The following CCDC85C variants were observed in gnomAD, a reference collection of about 807,000 sequenced individuals.
CCDC85C encodes the protein coiled-coil domain-containing protein 85C.
Under a neutral mutation model 38.3 loss-of-function variants are expected in CCDC85C, and 18 were observed. The observed-to-expected ratio is 0.47, with a 90% CI of 0.33 to 0.70. CCDC85C has a LOEUF of 0.70. CCDC85C is among the 30% of genes least tolerant of loss of function. CCDC85C has a pLI of 0.03. For synonymous variants in CCDC85C, 264 were observed against 293.8 expected (o/e 0.90, Z 1.04); for missense variants, 566 against 621.2 (o/e 0.91, Z 0.94).
intron 2 of CCDC85C, chr14:99,534,882 T>G: frequency 1.6e-6 from 1 of 607,412 alleles, no homozygotes. Context: ...ATTCAGAGCT[T>G]GGCTGTGCAC....
rs181993150 is a variant in CCDC85C, at chr14:99,513,527, A to G, written c.*1719T>C. On this transcript the variant is annotated 3_prime_UTR_variant, in exon 6 of 6. Transcript: ENST00000380243. ...AGCACCCACTTACCCCCCTGGGGCT[A>G]AGATGGGGGGCGTGAGCCTTTCCCC... The G allele has an allele frequency of 1.3e-5, 2 of 152,420 alleles. No homozygotes were observed. The highest frequency in any genetic ancestry group is 3.9e-4 in the East Asian group (2 of 5,186). 9.4% of individuals were successfully genotyped at this position (152,420 alleles called of 1,614,324 possible).
chr14:99,573,180 G>A (rs982020178), intron 1 of CCDC85C, among the ~76,000 whole-genome samples: 18 of 152,212 alleles, frequency 1.2e-4, no homozygotes, highest in Non-Finnish European at 2.2e-4. Context: ...GGGACCTGCT[G>A]CTCAGCGGTC....
Position 99,510,107 on chromosome 14 carries a change from A to T in CCDC85C, c.*5139T>A, listed in dbSNP as rs748456006. The T allele has an allele frequency of 8.4e-6, 13 of 1,542,236 alleles. No homozygotes were observed. In the South Asian group the frequency reaches 1.6e-4, roughly 19 times the overall value. ...CTGAAGGGCCAGGAGGCACTGAAAA[A>T]GCAACCATTGCTGGCGGAGGCCGGG... On this transcript the variant is annotated 3_prime_UTR_variant, in exon 6 of 6. Coordinates refer to ENST00000380243, the MANE Select transcript of CCDC85C (RefSeq NM_001144995.2).
chr14:99,574,384 C>G (rs910307905), intron 1 of CCDC85C, among the ~76,000 whole-genome samples: 2 of 152,086 alleles, frequency 1.3e-5, no homozygotes, highest in Non-Finnish European at 2.9e-5. Flanking sequence ...TGCTATATCC[C>G]GGCCACAGCT....
intron 1 of CCDC85C, among the ~76,000 whole-genome samples, chr14:99,585,160 G>T (rs1418339331): frequency 6.6e-6 from 1 of 152,196 alleles, no homozygotes; most frequent in African/African-American, 2.4e-5. Context: ...GGGAAGCAAA[G>T]ACACATGCCG....
intron 1 of CCDC85C, among the ~76,000 whole-genome samples, chr14:99,589,585 G>A (rs1024028772): frequency 7.9e-5 from 12 of 152,300 alleles, no homozygotes; most frequent in Middle Eastern, 3.4e-3. Flanking sequence ...TTAGAGCTGC[G>A]GTCCCTATTC....
chr14:99,526,663 A>G (rs1230791377), intron 2 of CCDC85C, among the ~76,000 whole-genome samples: 3 of 152,180 alleles, frequency 2.0e-5, no homozygotes, highest in African/African-American at 7.2e-5. Flanking sequence ...ACCTCCCTCC[A>G]GGAAGACGAA....
intron 1 of CCDC85C, among the ~76,000 whole-genome samples, chr14:99,593,579 T>C (rs2055111109): frequency 6.6e-6 from 1 of 152,156 alleles, no homozygotes; most frequent in Non-Finnish European, 1.5e-5. Context: ...CAAAGCCATC[T>C]CTCCGGCGTC....
At chr14:99,519,095 A>C (rs1897268954) in intron 3 of CCDC85C, among the ~76,000 whole-genome samples, 1 of 126,204 alleles carries the variant, frequency 7.9e-6, no homozygotes, top group Admixed American at 8.3e-5. Flanking sequence ...ATGTTCATAC[A>C]TGCCTTTTTT....
At position 99,504,093 on chromosome 14, in the gene CCDC85C, C is replaced by A; in HGVS notation, c.*11153G>T. 2.6e-6 allele frequency: 1 copy of A among 388,868 alleles called. No individual in the cohort carries two copies. Among genetic ancestry groups the A allele is most frequent in the Non-Finnish European group, 5.1e-6 (1 of 195,282 alleles). The allele number at this position is 388,868 out of a possible 1,614,324, so 24.1% of individuals were successfully genotyped here. A position where few individuals can be genotyped will look rare whatever the true frequency, so the allele number is the denominator to read the frequency against. On this transcript the variant is annotated 3_prime_UTR_variant, in exon 6 of 6. Transcript: ENST00000380243. ...CCTTGCAGGCAAGGCCTCTTTGAAA[C>A]ACACTTGGGTTGAGGTGCTGTCACA... is the stretch of plus-strand genomic sequence containing the variant.
In CCDC85C at chr14:99,545,286, C is replaced by CACGA. The variant is rs1390298586; in HGVS notation, c.794-9202_794-9199dup. On this transcript the variant is annotated intron_variant, in intron 1 of 5. Coordinates refer to ENST00000380243, the MANE Select transcript of CCDC85C (RefSeq NM_001144995.2). This position sits in a 1 kb window ranked among gnomAD's most constrained non-coding sequence, Gnocchi z 4.7. ...CCCAGCATTTAATTCCAGGAAAAGC[C>CACGA]ACGAGGCTTCCCAATGACACTGCAA... Among the ~76,000 whole-genome samples, 4 of 152,102 alleles carry CACGA rather than the reference C, an allele frequency of 2.6e-5. No individual in the cohort carries two copies. The highest frequency in any genetic ancestry group is 4.8e-5 in the African/African-American group (2 of 41,404).
intron 2 of CCDC85C, among the ~76,000 whole-genome samples, chr14:99,527,556 G>A (rs1897409915): frequency 1.3e-5 from 2 of 152,188 alleles, no homozygotes; most frequent in African/African-American, 2.4e-5. Flanking sequence ...GGCACAGGTG[G>A]GAGCTGAGTT....
In CCDC85C at chr14:99,511,884, G is replaced by A. The variant is rs1170789932; in HGVS notation, c.*3362C>T. The A allele has an allele frequency of 2.6e-5, 4 of 152,490 alleles. No homozygotes were observed. The highest frequency in any genetic ancestry group is 3.9e-4 in the East Asian group (2 of 5,160). The allele number at this position is 152,490 out of a possible 1,614,324, so 9.4% of individuals were successfully genotyped here. Reference sequence around the variant, plus strand: ...AGACAGAGGCAGCTGGAGGAGCAGCGGCCTCACTGTCCACCTTGAGGGGCC... The same window carrying A: ...AGACAGAGGCAGCTGGAGGAGCAGCAGCCTCACTGTCCACCTTGAGGGGCC... On this transcript the variant is annotated 3_prime_UTR_variant, in exon 6 of 6. Transcript: ENST00000380243.
At position 99,504,017 on chromosome 14, in the gene CCDC85C, T is replaced by C; in HGVS notation, c.*11229A>G. On this transcript the variant is annotated 3_prime_UTR_variant, in exon 6 of 6. Coordinates refer to ENST00000380243, the MANE Select transcript of CCDC85C (RefSeq NM_001144995.2). ...AGCCACAGCAGATGCGGGGGGGCAG[T>C]AGGGGGTGGTGTGCTGCCCGGACAG... 1 of 359,422 alleles carries C rather than the reference T, an allele frequency of 2.8e-6. No individual in the cohort carries two copies. The highest frequency in any genetic ancestry group is 5.4e-6 in the Non-Finnish European group (1 of 184,542). 22.3% of individuals were successfully genotyped at this position (359,422 alleles called of 1,614,324 possible).
At chr14:99,550,374 G>T (rs1478475568) in intron 1 of CCDC85C, among the ~76,000 whole-genome samples, 1 of 152,196 alleles carries the variant, frequency 6.6e-6, no homozygotes, top group Non-Finnish European at 1.5e-5. Flanking sequence ...AAGGGGAGAA[G>T]CTGGACAGAC....
In CCDC85C at chr14:99,513,062, A is replaced by G. The variant is rs539864008; in HGVS notation, c.*2184T>C. 7 of 152,228 alleles carry G rather than the reference A, an allele frequency of 4.6e-5. No homozygotes were observed. The highest frequency in any genetic ancestry group is 1.7e-4 in the African/African-American group (7 of 41,506). 9.4% of individuals were successfully genotyped at this position (152,228 alleles called of 1,614,324 possible). A position where few individuals can be genotyped will look rare whatever the true frequency, so the allele number is the denominator to read the frequency against. On this transcript the variant is annotated 3_prime_UTR_variant, in exon 6 of 6. Transcript: ENST00000380243. ...AGGAGGGTTCTCAAAGCAATGTTCCACTGATCCCTGGATGCCACTGCAGCA... is the reference window on the plus strand; with the variant it reads ...AGGAGGGTTCTCAAAGCAATGTTCCGCTGATCCCTGGATGCCACTGCAGCA...
chr14:99,598,155 G>A (rs1245385178), intron 1 of CCDC85C, among the ~76,000 whole-genome samples: 4 of 152,182 alleles, frequency 2.6e-5, no homozygotes, highest in African/African-American at 4.8e-5. Context: ...CCCGCCAGAG[G>A]CTACACGTAT....
In CCDC85C at chr14:99,516,582, G is replaced by T. The variant is rs1007593057; in HGVS notation, c.1072-296C>A. 2.0e-5 allele frequency among the ~76,000 whole-genome samples: 3 copies of T among 152,138 alleles called. No individual in the cohort carries two copies. The highest frequency in any genetic ancestry group is 4.4e-5 in the Non-Finnish European group (3 of 68,008). On this transcript the variant is annotated intron_variant, in intron 4 of 5. Transcript: ENST00000380243. The surrounding 1 kb of genome is among the most constrained non-coding windows in gnomAD (Gnocchi z 5.5). Reference sequence around the variant, plus strand: ...ACTCACTGCAACCCAGGGCCCGCTGGAGATGAGTGGGCACTCGCCACGTGG... The same window carrying T: ...ACTCACTGCAACCCAGGGCCCGCTGTAGATGAGTGGGCACTCGCCACGTGG...
intron 1 of CCDC85C, chr14:99,579,981 G>T (rs1320252815): frequency 2.2e-6 from 1 of 452,388 alleles, no homozygotes; most frequent in Non-Finnish European, 4.4e-6. Flanking sequence ...AATCACCTCA[G>T]CAGCGGACCA....
Sources: gnomAD v4.1 joint callset for allele counts (sites outside exome capture counted in the v4.1 genomes callset) on GRCh38, gnomAD v4.1.1 for gene constraint, Gnocchi (gnomAD v3.1) non-coding constraint, MANE v1.5 for transcripts, NCBI Gene and HGNC (gene_info 2026-07-23, HGNC 2026-07-21) for gene names.